MNAT1: variants seen among roughly 807,000 people sequenced by gnomAD.
MNAT1 encodes the protein MNAT1 component of CDK activating kinase.
A neutral mutation model predicts 42.0 loss-of-function variants in MNAT1; 43 were observed. That is an observed-to-expected ratio of 1.02 (90% CI 0.80 to 1.32). The LOEUF (loss-of-function observed/expected upper bound fraction) is 1.32, where lower values mean the gene tolerates loss of function less well. Ranked by LOEUF, MNAT1 falls within the 40% of genes most tolerant of loss-of-function variation. The pLI, the probability that MNAT1 is intolerant of heterozygous loss-of-function variation, is 0.00. For missense variants in MNAT1, 306 were observed against 350.4 expected (o/e 0.87, Z 1.01); for synonymous variants, 118 against 120.0 (o/e 0.98, Z 0.11).
intron 7 of MNAT1, among the ~76,000 whole-genome samples, chr14:60,945,563 C>T (rs910845658): frequency 8.6e-5 from 13 of 152,046 alleles, no homozygotes; most frequent in Non-Finnish European, 7.4e-5. Context: ...TCTAAAATTC[C>T]TTTATAATCA....
chr14:60,967,812 T>C (rs1313860659), intron 7 of MNAT1, among the ~76,000 whole-genome samples: 6 of 152,216 alleles, frequency 3.9e-5, no homozygotes, highest in Non-Finnish European at 7.3e-5. Context: ...GGGTTTGCTT[T>C]AAAACAAATT....
Position 60,734,973 on chromosome 14 carries a change from T to G in MNAT1, c.89+22T>G, listed in dbSNP as rs367707089. 48 of 1,611,836 alleles carry G rather than the reference T, an allele frequency of 3.0e-5. No individual in the cohort carries two copies. Among genetic ancestry groups the G allele is most frequent in the Non-Finnish European group, 3.7e-5 (44 of 1,178,002 alleles). ...CTCTGTGAGTTGGGCGGCAGTGGAT[T>G]CCCTGGGGGAGAGACGCGCTGGGTG... is the stretch of plus-strand genomic sequence containing the variant. On this transcript the variant is annotated intron_variant, in intron 1 of 7. Coordinates refer to ENST00000261245, the MANE Select transcript of MNAT1 (RefSeq NM_002431.4). This position sits in a 1 kb window ranked among gnomAD's most constrained non-coding sequence, Gnocchi z 4.3.
intron 1 of MNAT1, among the ~76,000 whole-genome samples, chr14:60,768,206 T>G (rs1004340762): frequency 6.6e-6 from 1 of 152,182 alleles, no homozygotes; most frequent in Non-Finnish European, 1.5e-5. Context: ...TGGCCCAGTT[T>G]AGTTTTTTGA....
At chr14:60,778,561 T>C (rs2031333113) in intron 1 of MNAT1, among the ~76,000 whole-genome samples, 1 of 152,212 alleles carries the variant, frequency 6.6e-6, no homozygotes. Context: ...AGCACCACTA[T>C]CTGAGGACTT....
At position 60,779,003 on chromosome 14, in the gene MNAT1, AG is replaced by A. The variant is rs574070536; in HGVS notation, c.90-17213del. On this transcript the variant is annotated intron_variant, in intron 1 of 7. Transcript: ENST00000261245. ...GGGCTTAGAGGTTCTTGTCTCCAGA[AG>A]TAGAAATGCCCTACTAGGGAACAGA... is the stretch of plus-strand genomic sequence containing the variant. Among the ~76,000 whole-genome samples the A allele has an allele frequency of 5.3e-5, 8 of 152,318 alleles. No individual in the cohort carries two copies. In the East Asian group the frequency reaches 1.5e-3, roughly 29 times the overall value.
chr14:60,820,381 A>G (rs1404902890), intron 6 of MNAT1, among the ~76,000 whole-genome samples: 1 of 152,136 alleles, frequency 6.6e-6, no homozygotes, highest in African/African-American at 2.4e-5. Context: ...GGATAAAGTC[A>G]TATTTAATTT....
At chr14:60,752,129 T>G (rs2030120710) in intron 1 of MNAT1, among the ~76,000 whole-genome samples, 1 of 152,208 alleles carries the variant, frequency 6.6e-6, no homozygotes. Context: ...TGGTACTGTT[T>G]CAGATAATGT....
At chr14:60,782,557 T>C (rs1482416642) in intron 1 of MNAT1, among the ~76,000 whole-genome samples, 1 of 152,196 alleles carries the variant, frequency 6.6e-6, no homozygotes, top group African/African-American at 2.4e-5. Flanking sequence ...TGAAATCTGG[T>C]CCTTACTGGG....
chr14:60,924,479 C>A (rs1035581890), intron 7 of MNAT1, among the ~76,000 whole-genome samples: 1 of 148,516 alleles, frequency 6.7e-6, no homozygotes, highest in African/African-American at 2.5e-5. Context: ...CTATTTAGAG[C>A]TATAATAAGA....
intron 6 of MNAT1, among the ~76,000 whole-genome samples, chr14:60,823,947 A>AGGAGTTGAAGACCAGTGTG (rs1416448279): frequency 6.6e-6 from 1 of 152,054 alleles, no homozygotes; most frequent in African/African-American, 2.4e-5. Context: ...TCACGAGATC[A>AGGAGTTGAAGACCAGTGTG]GGAGTTGAAG....
intron 6 of MNAT1, among the ~76,000 whole-genome samples, chr14:60,860,966 T>C (rs2139433612): frequency 6.6e-6 from 1 of 152,324 alleles, no homozygotes; most frequent in South Asian, 2.1e-4. Context: ...AGCACATGTA[T>C]TTCAAAATGA....
chr14:60,744,969 T>G (rs1896572914), intron 1 of MNAT1, among the ~76,000 whole-genome samples: 1 of 152,162 alleles, frequency 6.6e-6, no homozygotes, highest in Non-Finnish European at 1.5e-5. Flanking sequence ...TTGATTGGTT[T>G]TGCCCTACAC....
chr14:60,949,895 C>T (rs1284895409), intron 7 of MNAT1, among the ~76,000 whole-genome samples: 2 of 151,990 alleles, frequency 1.3e-5, no homozygotes, highest in Non-Finnish European at 2.9e-5. Context: ...TTTTTAAAAA[C>T]TTGAAATTGT....
intron 6 of MNAT1, among the ~76,000 whole-genome samples, chr14:60,822,172 G>A (rs2032907730): frequency 2.0e-5 from 3 of 152,138 alleles, no homozygotes; most frequent in Non-Finnish European, 4.4e-5. Context: ...GGCAGCATCA[G>A]ATCTACAACC....
chr14:60,910,229 G>C (rs1011984091), intron 7 of MNAT1, among the ~76,000 whole-genome samples: 1 of 152,202 alleles, frequency 6.6e-6, no homozygotes, highest in Non-Finnish European at 1.5e-5. Context: ...TTTGGGCCGA[G>C]ATGATGGGGT....
chr14:60,899,697 G>A (rs148457312), intron 7 of MNAT1, among the ~76,000 whole-genome samples: 296 of 152,204 alleles, frequency 1.9e-3, no homozygotes, highest in African/African-American at 7.0e-3. Context: ...TATTGGCAAA[G>A]CAATTAAAAA....
rs145502608 is a variant in MNAT1, at chr14:60,884,605, T to G, written c.809+4770T>G. 5.0e-3 allele frequency among the ~76,000 whole-genome samples: 763 copies of G among 152,222 alleles called. 9 individuals carry two copies. Among genetic ancestry groups the G allele is most frequent in the African/African-American group, 0.017 (687 of 41,566 alleles). Reference sequence around the variant, plus strand: ...CTAGTAAAAACTCTACACTTTAACTTTGTCCCCTTGCTTTTTAACTTTTTG... The same window carrying G: ...CTAGTAAAAACTCTACACTTTAACTGTGTCCCCTTGCTTTTTAACTTTTTG... On this transcript the variant is annotated intron_variant, in intron 7 of 7. Transcript: ENST00000261245.
In MNAT1 at chr14:60,849,539, G is replaced by A. The variant is rs189678939; in HGVS notation, c.688-30175G>A. ...GCCTGTGGTCCTAGATTTCTAATAT[G>A]TCTGTTATTATACTAATAAGATCTT... On this transcript the variant is annotated intron_variant, in intron 6 of 7. Transcript: ENST00000261245. 2.8e-3 allele frequency among the ~76,000 whole-genome samples: 430 copies of A among 152,206 alleles called. 3 individuals carry two copies. The highest frequency in any genetic ancestry group is 9.9e-3 in the African/African-American group (410 of 41,532).
chr14:60,748,051 C>T (rs1476095406), intron 1 of MNAT1, among the ~76,000 whole-genome samples: 1 of 151,986 alleles, frequency 6.6e-6, no homozygotes, highest in Non-Finnish European at 1.5e-5. Flanking sequence ...CAAAAATTAG[C>T]CGAGTGTGGT....
Sources: allele counts gnomAD v4.1 joint callset (sites outside exome capture counted in the v4.1 genomes callset), GRCh38; gene constraint gnomAD v4.1.1; non-coding constraint Gnocchi (gnomAD v3.1); transcripts MANE v1.5; gene names NCBI Gene and HGNC (gene_info 2026-07-23, HGNC 2026-07-21).